ROS1: variants seen among roughly 807,000 people sequenced by gnomAD.
The protein encoded by ROS1 is ROS proto-oncogene 1, receptor tyrosine kinase.
In ROS1, 263 loss-of-function variants were observed where a neutral mutation model predicts 273.5. That is an observed-to-expected ratio of 0.96 (90% confidence interval 0.87 to 1.06). ROS1 has a LOEUF of 1.06. ROS1 is among the 50% of genes least tolerant of loss of function. The pLI, the probability that ROS1 is intolerant of heterozygous loss-of-function variation, is 0.00. For synonymous variants in ROS1, 1,008 were observed against 954.1 expected, an observed-to-expected ratio of 1.06 and a Z score of -1.04; for missense variants, 2,833 against 2,751.1, an observed-to-expected ratio of 1.03 and a Z score of -0.67.
chr6:117,366,069 A>C lies in ROS1; in HGVS notation c.2797+7T>G. 6.2e-7 allele frequency: 1 copy of C among 1,604,558 alleles called. No individual in the cohort carries two copies. The highest frequency in any genetic ancestry group is 8.5e-7 in the Non-Finnish European group (1 of 1,171,362). On this transcript the variant is annotated splice_region_variant and intron_variant, in intron 19 of 43. Transcript: ENST00000368507. ...GGAGTAGGGTAAGCAGGAATGAAAT[A>C]CTGTACCTGGCAGGGGCTTAAGGGA... is the stretch of plus-strand genomic sequence containing the variant.
intron 27 of ROS1, among the ~76,000 whole-genome samples, chr6:117,350,687 C>CTTTTTTTTTTTTTTTTTTTCTT (rs548987983): frequency 7.7e-6 from 1 of 130,038 alleles, no homozygotes. Flanking sequence ...GGTTTTTTTC[C>CTTTTTTTTTTTTTTTTTTTCTT]TTTTTTTTTT....
At chr6:117,409,005 A>G (rs939956434) in intron 5 of ROS1, among the ~76,000 whole-genome samples, 1 of 145,284 alleles carries the variant, frequency 6.9e-6, no homozygotes, top group African/African-American at 2.5e-5. Flanking sequence ...ATAGGTGGTA[A>G]TTGAACAATG....
At chr6:117,397,241 T>A in intron 7 of ROS1, 125 bp from the exon 8 acceptor site, 1 of 655,510 alleles carries the variant, frequency 1.5e-6, no homozygotes, top group Non-Finnish European at 2.6e-6. Context: ...ATTTTATTAA[T>A]ACTCAAAATA....
chr6:117,295,948 A>C lies in ROS1; in HGVS notation c.6715+5026T>G, dbSNP rs1366475365. On this transcript the variant is annotated intron_variant, in intron 43 of 43. Coordinates refer to ENST00000368507, the MANE Select transcript of ROS1 (RefSeq NM_001378902.1). ...AGTTTGGAGGTTCCTCAAACAACTG[A>C]AAATAGATCTGCCATTTGATTCAGC... Among the ~76,000 whole-genome samples, 4 of 152,216 alleles carry C rather than the reference A, an allele frequency of 2.6e-5. No homozygotes were observed. The East Asian group carries it at 5.8e-4, about 22-fold the overall frequency.
chr6:117,319,770 T>C, intron 37 of ROS1, 98 bp downstream of exon 37: 1 of 1,111,608 alleles, frequency 9.0e-7, no homozygotes, highest in African/African-American at 1.6e-5. Flanking sequence ...AGTCCTCTTT[T>C]CAACAAAGAG....
rs142979736 is a variant in ROS1, at chr6:117,379,068, C to T, written c.2573G>A (p.Arg858Gln). ...QCIHLYTAVL[R>Q]GQSTGDTTIT... The stretch of plus-strand genomic sequence containing the variant: ...GAGGGACTCTACTTACCTCTGTCCC[C>T]GAAGAACAGCTGTGTACAGGTGAAT... Residue 858 changes from arginine (R) to glutamine (Q), a missense_variant, in exon 18 of 44, where the codon CGG becomes CAG. Coordinates refer to ENST00000368507, the MANE Select transcript of ROS1 (RefSeq NM_001378902.1). 107 of 1,606,366 alleles carry T rather than the reference C, an allele frequency of 6.7e-5. No homozygotes were observed. Among genetic ancestry groups the T allele is most frequent in the Middle Eastern group, 3.3e-4 (2 of 6,058 alleles).
chr6:117,381,898 G>A (rs1772184750), intron 17 of ROS1, among the ~76,000 whole-genome samples: 1 of 152,072 alleles, frequency 6.6e-6, no homozygotes, highest in Non-Finnish European at 1.5e-5. Context: ...GATTTAAAGA[G>A]GGGTAAGAAG....
chr6:117,411,040 G>C (rs1329168848), intron 4 of ROS1, among the ~76,000 whole-genome samples: 1 of 152,086 alleles, frequency 6.6e-6, no homozygotes. Context: ...GAAGAGACGA[G>C]ATGTATTTGG....
In ROS1 at chr6:117,383,313, TC is replaced by T. The variant is rs760923417; in HGVS notation, c.2481+3del. 2 of 1,608,074 alleles carry T rather than the reference TC, an allele frequency of 1.2e-6. No individual in the cohort carries two copies. Among genetic ancestry groups the T allele is most frequent in the Non-Finnish European group, 1.7e-6 (2 of 1,174,884 alleles). ...CTAAATGATCAGATCTTTTAATTTG[TC>T]ACCTTTTTCCCAGAAAACCAAGGCT... On this transcript the variant is annotated splice_donor_region_variant and intron_variant, in intron 17 of 43. Transcript: ENST00000368507.
In ROS1 at chr6:117,353,131, G is replaced by T. The variant is rs1206124997; in HGVS notation, c.4162C>A (p.Leu1388Ile). 5 of 1,613,010 alleles carry T rather than the reference G, an allele frequency of 3.1e-6. No homozygotes were observed. Among genetic ancestry groups the T allele is most frequent in the Non-Finnish European group, 4.2e-6 (5 of 1,179,554 alleles). The change falls in exon 27 of 44, where the codon CTT becomes ATT. Residue 1388 changes from leucine to isoleucine, a missense_variant. By Grantham distance (5) the Leu-to-Ile change is conservative (BLOSUM62 2). Coordinates refer to ENST00000368507, the MANE Select transcript of ROS1 (RefSeq NM_001378902.1). Reference sequence around the variant, plus strand: ...TTTGCTGTGATGATCCAGTATATAAGATCTCCATCCACAGTTAAGCTAACA... The same window carrying T: ...TTTGCTGTGATGATCCAGTATATAATATCTCCATCCACAGTTAAGCTAACA... The part of the protein sequence containing the change: ...TLVSLTVDGD[L>I]IYWIITAKDS...
Position 117,342,342 on chromosome 6 carries a change from C to T in ROS1, c.4651+58G>A, listed in dbSNP as rs1778002111. 5 of 1,474,096 alleles carry T rather than the reference C, an allele frequency of 3.4e-6. No homozygotes were observed. The African/African-American group carries it at 4.3e-5, about 13-fold the overall frequency. The allele number at this position is 1,474,096 out of a possible 1,614,324, so 91.3% of individuals were successfully genotyped here. A position where few individuals can be genotyped will look rare whatever the true frequency, so the allele number is the denominator to read the frequency against. On this transcript the variant is annotated intron_variant, in intron 29 of 43. Coordinates refer to ENST00000368507, the MANE Select transcript of ROS1 (RefSeq NM_001378902.1). The stretch of plus-strand genomic sequence containing the variant: ...ATTTTAAAAAATAAACATCAACATA[C>T]ACAGCACATATATCACAATATTCTG...
At chr6:117,400,232 A>C (rs182572243) in intron 7 of ROS1, among the ~76,000 whole-genome samples, 113 of 152,294 alleles carry the variant, frequency 7.4e-4, no homozygotes, top group Non-Finnish European at 2.1e-4. Context: ...AAAGAGATTT[A>C]TTTGATATTT....
intron 6 of ROS1, 121 bp downstream of exon 6, chr6:117,404,159 T>G: frequency 1.1e-6 from 1 of 881,224 alleles, no homozygotes; most frequent in South Asian, 1.6e-5. Flanking sequence ...AGGCGGAGCT[T>G]GCAGTAAGCT....
In ROS1 at chr6:117,409,581, C is replaced by T. The variant is rs746197109; in HGVS notation, c.316+1G>A. ...TTTAAAAGTCGTGTGTGTCCTCTTA[C>T]CCAGTACTTCCTCTTCATATGCACC... On this transcript the variant is annotated splice_donor_variant, in intron 5 of 43. Transcript: ENST00000368507. LOFTEE classifies it high-confidence loss of function. The T allele has an allele frequency of 6.2e-7, 1 of 1,612,260 alleles. No individual in the cohort carries two copies. Among genetic ancestry groups the T allele is most frequent in the Non-Finnish European group, 8.5e-7 (1 of 1,178,466 alleles).
At chr6:117,346,180 T>C (rs1778359730) in intron 27 of ROS1, among the ~76,000 whole-genome samples, 1 of 152,192 alleles carries the variant, frequency 6.6e-6, no homozygotes, top group Non-Finnish European at 1.5e-5. Context: ...CGTTCTTTTA[T>C]TTAATTGATA....
intron 1 of ROS1, among the ~76,000 whole-genome samples, chr6:117,423,702 CT>C (rs564177817): frequency 1.4e-3 from 202 of 147,128 alleles, no homozygotes; most frequent in East Asian, 2.6e-3. Context: ...CTTGTGGTGA[CT>C]TTTTTTTTTT....
intron 14 of ROS1, 42 bp from the exon 15 acceptor site, chr6:117,387,041 C>A (rs369234819): frequency 1.8e-6 from 2 of 1,135,580 alleles, no homozygotes. Context: ...TCAGGGAAAG[C>A]AAACTCTTTA....
chr6:117,290,622 AG>A (rs768672131), intron 43 of ROS1, among the ~76,000 whole-genome samples: 10 of 152,108 alleles, frequency 6.6e-5, no homozygotes, highest in Non-Finnish European at 8.8e-5. Flanking sequence ...ACAGCAGAGG[AG>A]CATTTAGATT....
Position 117,317,196 on chromosome 6 carries a change from G to C in ROS1, c.6064C>G (p.Leu2022Val), listed in dbSNP as rs1434062038. 6.2e-7 allele frequency: 1 copy of C among 1,613,298 alleles called. No homozygotes were observed. Among genetic ancestry groups the C allele is most frequent in the Non-Finnish European group, 8.5e-7 (1 of 1,179,614 alleles). The change falls in exon 39 of 44, where the codon CTG becomes GTG. Residue 2022 changes from leucine to valine, a missense_variant. Coordinates refer to ENST00000368507, the MANE Select transcript of ROS1 (RefSeq NM_001378902.1). ...GTAAGAAGGTCTCCTCCCTCCATCA[G>C]TTCCAGGATAATGTATTGGGGTTCA... Reference protein sequence around the residue: ...LNEPQYIILELMEGGDLLTYL... With the variant: ...LNEPQYIILEVMEGGDLLTYL...
Sources: gnomAD v4.1 joint callset for allele counts (sites outside exome capture counted in the v4.1 genomes callset) on GRCh38, gnomAD v4.1.1 for gene constraint, MANE v1.5 for transcripts, NCBI Gene and HGNC (gene_info 2026-07-23, HGNC 2026-07-21) for gene names.